Variants in CLTA observed in about 807,000 individuals in gnomAD.
CLTA encodes clathrin light chain A.
In CLTA, 9 loss-of-function variants were observed where a neutral mutation model predicts 26.9. That is an observed-to-expected ratio of 0.33 (90% confidence interval 0.20 to 0.58). CLTA has a LOEUF of 0.58. Among genes scored for constraint, CLTA ranks in the 20% least tolerant of loss-of-function variants. The probability of loss-of-function intolerance (pLI) is 0.85; values close to 1 mark genes in which losing one functional copy is unlikely to be tolerated. For synonymous variants in CLTA, 120 were observed against 115.5 expected, an observed-to-expected ratio of 1.04 and a Z score of -0.25; for missense variants, 278 against 294.2, an observed-to-expected ratio of 0.94 and a Z score of 0.40.
chr9:36,190,929 C>T lies in CLTA; in HGVS notation c.-128C>T, dbSNP rs979302587. On this transcript the variant is annotated 5_prime_UTR_variant, in exon 1 of 5. Transcript: ENST00000345519. Reference sequence around the variant, plus strand: ...ATACACGGGTAGGGCTTCCGCTTTACCCGTCTCCCTCCTGGCGCTTGTCCT... The same window carrying T: ...ATACACGGGTAGGGCTTCCGCTTTATCCGTCTCCCTCCTGGCGCTTGTCCT... 3.6e-6 allele frequency: 5 copies of T among 1,408,160 alleles called. No homozygotes were observed. The African/African-American group carries it at 4.5e-5, about 13-fold the overall frequency. The allele number at this position is 1,408,160 out of a possible 1,614,324, so 87.2% of individuals were successfully genotyped here.
intron 4 of CLTA, among the ~76,000 whole-genome samples, chr9:36,204,872 G>A (rs957964962): frequency 6.6e-6 from 1 of 152,184 alleles, no homozygotes; most frequent in Non-Finnish European, 1.5e-5. Context: ...GAGGATATGT[G>A]GTGTTGCTTC....
intron 4 of CLTA, among the ~76,000 whole-genome samples, chr9:36,205,353 A>C (rs1031647243): frequency 2.0e-5 from 3 of 152,118 alleles, no homozygotes; most frequent in Non-Finnish European, 2.9e-5. Flanking sequence ...TCCATCAGCT[A>C]CGTGGGGCTG....
chr9:36,199,195 T>C, intron 3 of CLTA, 99 bp downstream of exon 3: 1 of 804,630 alleles, frequency 1.2e-6, no homozygotes, highest in African/African-American at 1.7e-5. Context: ...CCAGTGTCAT[T>C]GTCTGGTCTT....
chr9:36,199,010 C>T lies in CLTA; in HGVS notation c.287C>T (p.Ala96Val). The T allele has an allele frequency of 1.2e-6, 2 of 1,613,602 alleles. No individual in the cohort carries two copies. The highest frequency in any genetic ancestry group is 1.7e-6 in the Non-Finnish European group (2 of 1,179,590). Residue 96 changes from alanine (A) to valine (V), a missense_variant, in exon 3 of 5, where the codon GCT (alanine) becomes GTT (valine). Coordinates refer to ENST00000345519, the MANE Select transcript of CLTA (RefSeq NM_001833.4). ...AATGGTCCAACAGACAGTTATGCAG[C>T]TATTTCACAAGTGGATCGATTGCAG... is the stretch of plus-strand genomic sequence containing the variant. ...ESNGPTDSYAAISQVDRLQSE... is the reference protein window; with the variant it reads ...ESNGPTDSYAVISQVDRLQSE...
At chr9:36,199,595 C>T (rs943746542) in intron 3 of CLTA, among the ~76,000 whole-genome samples, 14 of 149,478 alleles carry the variant, frequency 9.4e-5, no homozygotes, top group African/African-American at 2.5e-4. Flanking sequence ...GGTCTACAGG[C>T]GCCCGCCACT....
intron 4 of CLTA, among the ~76,000 whole-genome samples, chr9:36,208,292 C>T (rs916881451): frequency 6.6e-6 from 1 of 152,196 alleles, no homozygotes; most frequent in African/African-American, 2.4e-5. Context: ...GCCAGCCTGG[C>T]CCCTGCTGTC....
In CLTA at chr9:36,204,137, C is replaced by T; in HGVS notation, c.443C>T (p.Ala148Val). The T allele has an allele frequency of 6.2e-7, 1 of 1,614,098 alleles. No homozygotes were observed. The change falls in exon 4 of 5, where the codon GCA (alanine) becomes GTA (valine). Residue 148 changes from alanine (A) to valine (V), a missense_variant. Physicochemically the swap from Ala to Val is moderately conservative, Grantham distance 64 (BLOSUM62 0). Coordinates refer to ENST00000345519, the MANE Select transcript of CLTA (RefSeq NM_001833.4). ...ATAAAGGAGCTAGAAGAATGGTATG[C>T]AAGACAGGACGAGCAGCTACAGAAA... The part of the protein sequence containing the change: ...KAIKELEEWY[A>V]RQDEQLQKTK...
chr9:36,211,338 G>C (rs1455886804), intron 4 of CLTA, among the ~76,000 whole-genome samples: 1 of 152,188 alleles, frequency 6.6e-6, no homozygotes, highest in Non-Finnish European at 1.5e-5. Flanking sequence ...TGCTCCACAG[G>C]AGCAGAGACA....
At chr9:36,191,362 C>T in intron 1 of CLTA, 89 bp downstream of exon 1, 2 of 1,375,710 alleles carry the variant, frequency 1.5e-6, no homozygotes, top group East Asian at 2.7e-5. Context: ...ACTCGTGCTC[C>T]TTGCTGAATT....
chr9:36,193,073 A>G (rs1040836650), intron 1 of CLTA, among the ~76,000 whole-genome samples: 33 of 152,354 alleles, frequency 2.2e-4, no homozygotes, highest in African/African-American at 7.5e-4. Context: ...TAGGGAAGGT[A>G]AAAGGGAGAG....
rs531518634 is a variant in CLTA at position 36,193,723 on chromosome 9, C to T, written c.217+2450C>T. On this transcript the variant is annotated intron_variant, in intron 1 of 4. Coordinates refer to ENST00000345519, the MANE Select transcript of CLTA (RefSeq NM_001833.4). ...TGAGAGGAAAATAAACTGGCCCCAG[C>T]CTTGCGGAAAGCGTCTATGGAGGAT... Among the ~76,000 whole-genome samples, 17 of 152,276 alleles carry T rather than the reference C, an allele frequency of 1.1e-4. No homozygotes were observed. In the South Asian group the frequency reaches 3.5e-3, roughly 32 times the overall value.
chr9:36,198,359 A>T (rs2132880269), intron 2 of CLTA, among the ~76,000 whole-genome samples: 1 of 151,968 alleles, frequency 6.6e-6, no homozygotes, highest in East Asian at 2.0e-4. Context: ...CGGCTTTTGT[A>T]AAATGTTAAA....
At chr9:36,197,043 C>T (rs796110955) in intron 1 of CLTA, among the ~76,000 whole-genome samples, 40 of 152,286 alleles carry the variant, frequency 2.6e-4, no homozygotes, top group African/African-American at 8.7e-4. Context: ...GGCGTGGTGG[C>T]GCATGCCTGC....
chr9:36,191,303 G>A, intron 1 of CLTA, 30 bp downstream of exon 1: 4 of 1,481,188 alleles, frequency 2.7e-6, no homozygotes, highest in Non-Finnish European at 3.6e-6. Context: ...TGGGGCGAGA[G>A]GACTTGTCTG....
chr9:36,203,097 T>G (rs1563913951), intron 3 of CLTA, among the ~76,000 whole-genome samples: 2 of 152,050 alleles, frequency 1.3e-5, no homozygotes, highest in Admixed American at 1.3e-4. Context: ...CCTCCCAAAG[T>G]GTTGGGATTA....
Position 36,190,960 on chromosome 9 carries a change from C to T in CLTA, c.-97C>T. ...TCCCTCCTGGCGCTTGTCCTCCTCTCCCAGTCGGCACCACAGCGGTGGCTG... is the reference window on the plus strand; with the variant it reads ...TCCCTCCTGGCGCTTGTCCTCCTCTTCCAGTCGGCACCACAGCGGTGGCTG... On this transcript the variant is annotated 5_prime_UTR_variant, in exon 1 of 5. Coordinates refer to ENST00000345519, the MANE Select transcript of CLTA (RefSeq NM_001833.4). 2 of 1,444,480 alleles carry T rather than the reference C, an allele frequency of 1.4e-6. No individual in the cohort carries two copies. Among genetic ancestry groups the T allele is most frequent in the African/African-American group, 1.5e-5 (1 of 67,948 alleles). The allele number at this position is 1,444,480 out of a possible 1,614,324, so 89.5% of individuals were successfully genotyped here.
chr9:36,209,113 C>T (rs755849155), intron 4 of CLTA: 91 of 350,586 alleles, frequency 2.6e-4, no homozygotes, highest in Non-Finnish European at 3.3e-4. Flanking sequence ...AAGTCTCCAG[C>T]GCTGGAAGCC....
intron 2 of CLTA, among the ~76,000 whole-genome samples, chr9:36,198,358 T>TA (rs1827179253): frequency 6.6e-6 from 1 of 151,408 alleles, no homozygotes; most frequent in Non-Finnish European, 1.5e-5. Flanking sequence ...GCGGCTTTTG[T>TA]AAAATGTTAA....
intron 3 of CLTA, 67 bp downstream of exon 3, chr9:36,199,163 A>T: frequency 2.0e-6 from 2 of 1,000,212 alleles, no homozygotes; most frequent in Non-Finnish European, 3.2e-6. Context: ...CTCTACTTTT[A>T]TTCCTTTTTA....
Sources: allele counts gnomAD v4.1 joint callset (sites outside exome capture counted in the v4.1 genomes callset), GRCh38; gene constraint gnomAD v4.1.1; transcripts MANE v1.5; gene names NCBI Gene and HGNC (gene_info 2026-07-23, HGNC 2026-07-21).